S1PR5: variants seen among roughly 807,000 people sequenced by gnomAD.
The protein encoded by S1PR5 is sphingosine 1-phosphate receptor 5.
For missense variants in S1PR5, 583 were observed against 571.7 expected (o/e 1.02, Z -0.20); for synonymous variants, 307 against 284.7 (o/e 1.08, Z -0.79).
chr19:10,514,960 G>A lies in S1PR5; in HGVS notation c.52C>T (p.His18Tyr), dbSNP rs769251884. 6.3e-7 allele frequency: 1 copy of A among 1,598,198 alleles called. No homozygotes were observed. Among genetic ancestry groups the A allele is most frequent in the East Asian group, 2.2e-5 (1 of 44,644 alleles). The change falls in exon 2 of 2, where the codon CAT becomes TAT. Residue 18 changes from histidine (H) to tyrosine (Y), a missense_variant. His to Tyr is a moderately conservative substitution (Grantham distance 83). Coordinates refer to ENST00000333430, the MANE Select transcript of S1PR5 (RefSeq NM_030760.5). ...CGGAGCTTGCCGGTGTAGTTGTAAT[G>A]CAGGACGATGACCTCGCTCACCGGC... ...PAPVSEVIVL[H>Y]YNYTGKLRGA...
At chr19:10,516,571 C>G (rs1015716175) in intron 1 of S1PR5, among the ~76,000 whole-genome samples, 1 of 145,118 alleles carries the variant, frequency 6.9e-6, no homozygotes, top group Non-Finnish European at 1.5e-5. Flanking sequence ...CGCACCCCTG[C>G]TCTCCAGCCT....
Position 10,514,557 on chromosome 19 carries a change from A to C in S1PR5, c.455T>G (p.Leu152Arg), listed in dbSNP as rs1347755253. 1.6e-5 allele frequency: 26 copies of C among 1,578,900 alleles called. No homozygotes were observed. The highest frequency in any genetic ancestry group is 2.2e-5 in the Non-Finnish European group (26 of 1,163,882). Residue 152 changes from leucine (L) to arginine (R), a missense_variant, in exon 2 of 2, where the codon CTG (leucine) becomes CGG (arginine). Leu to Arg is a moderately radical substitution (Grantham distance 102). Transcript: ENST00000333430. ...PAPVSSRGRT[L>R]AMAAAAWGVS... is the part of the protein sequence containing the mutation. ...GCCCCAGGCCGCGGCTGCCATCGCC[A>C]GCGTGCGCCCCCGACTGGAGACGGG...
Position 10,513,579 on chromosome 19 carries a change from C to T in S1PR5, c.*236G>A. 1 of 609,740 alleles carries T rather than the reference C, an allele frequency of 1.6e-6. No homozygotes were observed. The highest frequency in any genetic ancestry group is 2.8e-6 in the Non-Finnish European group (1 of 356,744). 37.8% of individuals were successfully genotyped at this position (609,740 alleles called of 1,614,324 possible). On this transcript the variant is annotated 3_prime_UTR_variant, in exon 2 of 2. Transcript: ENST00000333430. ...CCATCACCATCTCTGTCGTTTGTCA[C>T]TGGAATCATCTCCATTATTTCATCA...
chr19:10,517,434 G>C lies in S1PR5; in HGVS notation c.-55C>G. ...GTCGTGCGCCACCCGCAGTCGCGCTGCCTTGAACCGAGTGAGCGGACGCCG... is the reference window on the plus strand; with the variant it reads ...GTCGTGCGCCACCCGCAGTCGCGCTCCCTTGAACCGAGTGAGCGGACGCCG... On this transcript the variant is annotated 5_prime_UTR_variant, in exon 1 of 2. Transcript: ENST00000333430. 1.0e-6 allele frequency: 1 copy of C among 985,668 alleles called. No individual in the cohort carries two copies. Among genetic ancestry groups the C allele is most frequent in the Non-Finnish European group, 1.2e-6 (1 of 830,104 alleles). The allele number at this position is 985,668 out of a possible 1,614,324, so 61.1% of individuals were successfully genotyped here.
At position 10,514,244 on chromosome 19, in the gene S1PR5, C is replaced by T. The variant is rs1275054031; in HGVS notation, c.768G>A (p.Val256=). ...CCCAACATGCCACAAAGGCCAGGAG[C>T]ACCACGCTGAGCGTGCGCAGCAAGG... The part of the protein sequence containing the change: ...SLALLRTLSV[V]LLAFVACWGP... Residue 256 remains valine (V), a synonymous_variant, in exon 2 of 2, where the codon GTG becomes GTA. Transcript: ENST00000333430. 3.1e-6 allele frequency: 5 copies of T among 1,601,320 alleles called. No individual in the cohort carries two copies. In the Admixed American group the frequency reaches 7.0e-5, roughly 22 times the overall value.
chr19:10,517,456 G>A, upstream of S1PR5: 4 of 985,592 alleles, frequency 4.1e-6, no homozygotes, highest in Non-Finnish European at 4.8e-6. Context: ...GTGAGCGGAC[G>A]CCGCTCCGGG....
In S1PR5 at chr19:10,513,863, A is replaced by C. The variant is rs1599499294; in HGVS notation, c.1149T>G (p.Gly383=). 3.1e-6 allele frequency: 5 copies of C among 1,611,598 alleles called. No homozygotes were observed. The highest frequency in any genetic ancestry group is 3.4e-6 in the Non-Finnish European group (4 of 1,179,684). The part of the protein sequence containing the change: ...LDTSGSTGSP[G]APTAARTLVS... ...CCAGAGTCCGGGCGGCTGTGGGTGCACCGGGGCTGCCTGTGGAGCCGCTGG... is the reference window on the plus strand; with the variant it reads ...CCAGAGTCCGGGCGGCTGTGGGTGCCCCGGGGCTGCCTGTGGAGCCGCTGG... The change falls in exon 2 of 2, where the codon GGT becomes GGG. Residue 383 remains glycine (G), a synonymous_variant. Transcript: ENST00000333430.
intron 1 of S1PR5, among the ~76,000 whole-genome samples, chr19:10,515,325 C>A (rs910028969): frequency 6.6e-6 from 1 of 152,082 alleles, no homozygotes; most frequent in African/African-American, 2.4e-5. Context: ...GTAATCCCCG[C>A]CTGTAATCCC....
In S1PR5 at chr19:10,513,745, T is replaced by TA; in HGVS notation, c.*69_*70insT. 1.3e-6 allele frequency: 2 copies of TA among 1,562,810 alleles called. No homozygotes were observed. Among genetic ancestry groups the TA allele is most frequent in the Non-Finnish European group, 1.7e-6 (2 of 1,153,528 alleles). ...TTCCGACTGCACCTTTGGCTGCATT[T>TA]CCTACAAATTCCTTTATGTAAAAAG... is the stretch of plus-strand genomic sequence containing the variant. On this transcript the variant is annotated 3_prime_UTR_variant, in exon 2 of 2. Coordinates refer to ENST00000333430, the MANE Select transcript of S1PR5 (RefSeq NM_030760.5).
upstream of S1PR5, chr19:10,517,872 A>G (rs12460981): frequency 0.22 from 44,042 of 203,630 alleles, 5,556 homozygotes; most frequent in Admixed American, 0.33. Context: ...CCCGTCGATG[A>G]TTCGGAGGGG....
chr19:10,512,925 AAAAG>A lies in S1PR5; in HGVS notation c.*886_*889del, dbSNP rs35508922. On this transcript the variant is annotated 3_prime_UTR_variant, in exon 2 of 2. Coordinates refer to ENST00000333430, the MANE Select transcript of S1PR5 (RefSeq NM_030760.5). ...ACAAGATCCCAACTCAAAAAAAAAA[AAAAG>A]AAAGAAAGAAAGAAAAGAAAAATAA... 3 of 126,268 alleles carry A rather than the reference AAAAG, an allele frequency of 2.4e-5. No individual in the cohort carries two copies. Among genetic ancestry groups the A allele is most frequent in the African/African-American group, 8.9e-5 (3 of 33,656 alleles). The allele number at this position is 126,268 out of a possible 1,614,324, so 7.8% of individuals were successfully genotyped here. A position where few individuals can be genotyped will look rare whatever the true frequency, so the allele number is the denominator to read the frequency against.
chr19:10,514,769 C>G lies in S1PR5; in HGVS notation c.243G>C (p.Ser81=), dbSNP rs1038012058. Residue 81 remains serine, a synonymous_variant, in exon 2 of 2, where the codon TCG becomes TCC. Coordinates refer to ENST00000333430, the MANE Select transcript of S1PR5 (RefSeq NM_030760.5). Reference sequence around the variant, plus strand: ...CGTAGGCGGCGCCTGCCAGCAGATCCGACAACGTGAGGCTGCCCAGGAGCA... The same window carrying G: ...CGTAGGCGGCGCCTGCCAGCAGATCGGACAACGTGAGGCTGCCCAGGAGCA... ...MFLLLGSLTL[S]DLLAGAAYAA... 64 of 1,612,820 alleles carry G rather than the reference C, an allele frequency of 4.0e-5. No individual in the cohort carries two copies. Among genetic ancestry groups the G allele is most frequent in the Non-Finnish European group, 4.9e-5 (58 of 1,179,742 alleles).
chr19:10,514,391 A>G lies in S1PR5; in HGVS notation c.621T>C (p.Ala207=), dbSNP rs6511701. The G allele has an allele frequency of 6.2e-7, 1 of 1,602,914 alleles. No homozygotes were observed. The highest frequency in any genetic ancestry group is 8.5e-7 in the Non-Finnish European group (1 of 1,175,532). Residue 207 remains alanine (A), a synonymous_variant, in exon 2 of 2, where the codon GCT becomes GCC. Coordinates refer to ENST00000333430, the MANE Select transcript of S1PR5 (RefSeq NM_030760.5). ...AGATGCGCGCGTAGAGTGCACAGAT[A>G]GCGGCCAGGATGCCCACGAAGGCGA... is the stretch of plus-strand genomic sequence containing the variant. The part of the protein sequence containing the change: ...CVLAFVGILA[A]ICALYARIYC...
At position 10,517,414 on chromosome 19, in the gene S1PR5, G is replaced by T. The variant is rs893156680; in HGVS notation, c.-35C>A. 1 of 985,502 alleles carries T rather than the reference G, an allele frequency of 1.0e-6. No individual in the cohort carries two copies. The highest frequency in any genetic ancestry group is 1.2e-6 in the Non-Finnish European group (1 of 830,086). 61.0% of individuals were successfully genotyped at this position (985,502 alleles called of 1,614,324 possible). A position where few individuals can be genotyped will look rare whatever the true frequency, so the allele number is the denominator to read the frequency against. On this transcript the variant is annotated 5_prime_UTR_variant, in exon 1 of 2. Coordinates refer to ENST00000333430, the MANE Select transcript of S1PR5 (RefSeq NM_030760.5). ...TCCACTCACTCTGCGCCCTGGTCGT[G>T]CGCCACCCGCAGTCGCGCTGCCTTG... is the stretch of plus-strand genomic sequence containing the variant.
At position 10,513,812 on chromosome 19, in the gene S1PR5, G is replaced by T. The variant is rs1384492879; in HGVS notation, c.*3C>A. The T allele has an allele frequency of 6.2e-7, 1 of 1,612,330 alleles. No homozygotes were observed. Among genetic ancestry groups the T allele is most frequent in the Non-Finnish European group, 8.5e-7 (1 of 1,179,638 alleles). On this transcript the variant is annotated 3_prime_UTR_variant, in exon 2 of 2. Transcript: ENST00000333430. ...TTGGGAAGACAGTCGTGGGCCGAGG[G>T]TGTCAGTCTGCAGCCGGTTCTGATA...
chr19:10,513,593 A>C lies in S1PR5; in HGVS notation c.*222T>G, dbSNP rs1033477683. On this transcript the variant is annotated 3_prime_UTR_variant, in exon 2 of 2. Coordinates refer to ENST00000333430, the MANE Select transcript of S1PR5 (RefSeq NM_030760.5). The stretch of plus-strand genomic sequence containing the variant: ...GTCGTTTGTCACTGGAATCATCTCC[A>C]TTATTTCATCACCGAGTTCTTTTCT... 1.6e-5 allele frequency: 10 copies of C among 628,398 alleles called. No homozygotes were observed. Among genetic ancestry groups the C allele is most frequent in the Admixed American group, 3.2e-5 (1 of 30,956 alleles). 38.9% of individuals were successfully genotyped at this position (628,398 alleles called of 1,614,324 possible). A position where few individuals can be genotyped will look rare whatever the true frequency, so the allele number is the denominator to read the frequency against.
At chr19:10,517,453 G>A (rs1915465746), upstream of S1PR5, 4 of 985,632 alleles carry the variant, frequency 4.1e-6, no homozygotes, top group South Asian at 1.9e-4. Flanking sequence ...CGAGTGAGCG[G>A]ACGCCGCTCC....
At position 10,512,925 on chromosome 19, in the gene S1PR5, A is replaced by AAAGAAAGAAAAAAAGAAAG. The variant is rs71162083; in HGVS notation, c.*889_*890insCTTTCTTTTTTTCTTTCTT. 1 of 126,262 alleles carries AAAGAAAGAAAAAAAGAAAG rather than the reference A, an allele frequency of 7.9e-6. No homozygotes were observed. The highest frequency in any genetic ancestry group is 1.6e-5 in the Non-Finnish European group (1 of 61,378). 7.8% of individuals were successfully genotyped at this position (126,262 alleles called of 1,614,324 possible). The stretch of plus-strand genomic sequence containing the variant: ...ACAAGATCCCAACTCAAAAAAAAAA[A>AAAGAAAGAAAAAAAGAAAG]AAAGAAAGAAAGAAAGAAAAGAAAA... On this transcript the variant is annotated 3_prime_UTR_variant, in exon 2 of 2. Coordinates refer to ENST00000333430, the MANE Select transcript of S1PR5 (RefSeq NM_030760.5).
In S1PR5 at chr19:10,514,807, C is replaced by T; in HGVS notation, c.205G>A (p.Ala69Thr). ...LVLGRHPRFHAPMFLLLGSLT... is the reference protein window; with the variant it reads ...LVLGRHPRFHTPMFLLLGSLT... ...CTGCCCAGGAGCAGGAACATGGGAG[C>T]GTGGAAGCGCGGGTGGCGTCCGAGC... Residue 69 changes from alanine (A) to threonine (T), a missense_variant, in exon 2 of 2, where the codon GCT becomes ACT. Coordinates refer to ENST00000333430, the MANE Select transcript of S1PR5 (RefSeq NM_030760.5). 6.2e-7 allele frequency: 1 copy of T among 1,613,080 alleles called. No individual in the cohort carries two copies. Among genetic ancestry groups the T allele is most frequent in the Non-Finnish European group, 8.5e-7 (1 of 1,179,742 alleles).
Sources: gnomAD v4.1 joint callset for allele counts (sites outside exome capture counted in the v4.1 genomes callset) on GRCh38, gnomAD v4.1.1 for gene constraint, MANE v1.5 for transcripts, NCBI Gene and HGNC (gene_info 2026-07-23, HGNC 2026-07-21) for gene names.